The following NDC1 variants were observed in gnomAD, a reference collection of about 807,000 sequenced individuals.
The protein encoded by NDC1 is nucleoporin NDC1.
In NDC1, 24 loss-of-function variants were observed where a neutral mutation model predicts 89.8. That is an observed-to-expected ratio of 0.27 (90% CI 0.19 to 0.38). The LOEUF is 0.38. NDC1 is among the 10% of genes least tolerant of loss of function. NDC1 has a pLI of 1.00. For missense variants in NDC1, 728 were observed against 797.6 expected (o/e 0.91, Z 1.05); for synonymous variants, 296 against 284.8 (o/e 1.04, Z -0.39).
At chr1:53,837,773 T>C (rs1391795158) in intron 1 of NDC1, among the ~76,000 whole-genome samples, 1 of 152,210 alleles carries the variant, frequency 6.6e-6, no homozygotes, top group Non-Finnish European at 1.5e-5. Context: ...AGTCCCATTC[T>C]ACCTTACAAA....
chr1:53,798,026 T>C (rs901842789), intron 11 of NDC1, among the ~76,000 whole-genome samples: 1 of 152,004 alleles, frequency 6.6e-6, no homozygotes, highest in Non-Finnish European at 1.5e-5. Context: ...AGTCATCTTA[T>C]GACTCTCCAA....
At chr1:53,794,535 C>T (rs892961788) in intron 13 of NDC1, among the ~76,000 whole-genome samples, 8 of 152,130 alleles carry the variant, frequency 5.3e-5, no homozygotes, top group African/African-American at 1.9e-4. Context: ...ATTAATCAGT[C>T]ATTCCATCAG....
chr1:53,804,255 G>A (rs1410067025), intron 9 of NDC1, among the ~76,000 whole-genome samples: 3 of 152,058 alleles, frequency 2.0e-5, no homozygotes, highest in African/African-American at 7.2e-5. Flanking sequence ...TATATCTGCG[G>A]TGGGAAATTG....
intron 3 of NDC1, among the ~76,000 whole-genome samples, chr1:53,830,862 CA>C (rs963317098): frequency 5.9e-4 from 81 of 136,524 alleles, no homozygotes; most frequent in Non-Finnish European, 4.8e-4. Flanking sequence ...AACTCCGTCT[CA>C]AAAAAAAAAA....
At chr1:53,800,917 AAGTC>A in intron 10 of NDC1, 69 bp from the exon 11 acceptor site, 8 of 1,427,572 alleles carry the variant, frequency 5.6e-6, no homozygotes, top group Non-Finnish European at 7.6e-6. Flanking sequence ...GTGGGGGAAA[AAGTC>A]AGTAAGAAAT....
intron 16 of NDC1, among the ~76,000 whole-genome samples, chr1:53,784,561 G>A (rs1284570514): frequency 6.6e-6 from 1 of 152,192 alleles, no homozygotes; most frequent in Non-Finnish European, 1.5e-5. Flanking sequence ...GGGAGGCCGA[G>A]GTAGGTGGAT....
chr1:53,770,571 T>G (rs191210370), intron 17 of NDC1, among the ~76,000 whole-genome samples: 225 of 152,198 alleles, frequency 1.5e-3, no homozygotes, highest in Non-Finnish European at 2.3e-3. Flanking sequence ...CCTCCCAAAG[T>G]GCTGGGATTA....
chr1:53,789,941 T>C, intron 14 of NDC1, among the ~76,000 whole-genome samples: 1 of 151,286 alleles, frequency 6.6e-6, no homozygotes, highest in East Asian at 2.0e-4. Context: ...CCATCTCTAC[T>C]AAAATACAAA....
At chr1:53,788,644 C>A (rs890263987) in intron 15 of NDC1, among the ~76,000 whole-genome samples, 2 of 152,050 alleles carry the variant, frequency 1.3e-5, no homozygotes, top group African/African-American at 2.4e-5. Context: ...CCAGGCTGGT[C>A]TCGAACTCCT....
intron 16 of NDC1, among the ~76,000 whole-genome samples, chr1:53,781,727 C>T (rs1047666952): frequency 6.6e-6 from 1 of 152,206 alleles, no homozygotes; most frequent in Non-Finnish European, 1.5e-5. Flanking sequence ...TCACTTTGAT[C>T]CCTTCTAGAC....
chr1:53,778,337 T>C (rs1647179199), intron 16 of NDC1, among the ~76,000 whole-genome samples: 1 of 151,736 alleles, frequency 6.6e-6, no homozygotes, highest in South Asian at 2.1e-4. Flanking sequence ...AATTCTGAAA[T>C]ACATGGTAAG....
At chr1:53,771,594 G>C (rs1647113410) in intron 17 of NDC1, among the ~76,000 whole-genome samples, 1 of 152,176 alleles carries the variant, frequency 6.6e-6, no homozygotes, top group African/African-American at 2.4e-5. Flanking sequence ...TGTGGCTAGG[G>C]TGACTGACAA....
chr1:53,768,930 T>C (rs1359069162), intron 17 of NDC1, among the ~76,000 whole-genome samples: 5 of 152,222 alleles, frequency 3.3e-5, no homozygotes, highest in East Asian at 1.9e-4. Flanking sequence ...TTTCCCATTA[T>C]ATTTCTCTCT....
intron 1 of NDC1, 120 bp downstream of exon 1, chr1:53,838,085 A>C: frequency 3.4e-6 from 3 of 886,218 alleles, no homozygotes; most frequent in Non-Finnish European, 5.1e-6. Flanking sequence ...TGCCTTCCCC[A>C]CGCGTTCTCT....
At chr1:53,826,592 C>G (rs1341898314) in intron 4 of NDC1, among the ~76,000 whole-genome samples, 1 of 152,180 alleles carries the variant, frequency 6.6e-6, no homozygotes, top group African/African-American at 2.4e-5. Context: ...AAGCCACTAC[C>G]CTATCATTTT....
intron 5 of NDC1, among the ~76,000 whole-genome samples, chr1:53,823,307 T>G (rs1409862329): frequency 6.6e-6 from 1 of 152,188 alleles, no homozygotes; most frequent in Non-Finnish European, 1.5e-5. Flanking sequence ...ATATATATTT[T>G]TTGACCAAAT....
At chr1:53,813,230 AGT>A (rs1648369746) in intron 6 of NDC1, among the ~76,000 whole-genome samples, 1 of 152,214 alleles carries the variant, frequency 6.6e-6, no homozygotes, top group African/African-American at 2.4e-5. Context: ...CAAACAAACA[AGT>A]ACACAGGCAA....
intron 16 of NDC1, among the ~76,000 whole-genome samples, chr1:53,777,350 T>C (rs927543850): frequency 1.3e-5 from 2 of 152,128 alleles, no homozygotes; most frequent in Non-Finnish European, 2.9e-5. Flanking sequence ...AAATAAGTAA[T>C]TGCTCTCTTT....
intron 6 of NDC1, among the ~76,000 whole-genome samples, chr1:53,817,860 G>C (rs1465999953): frequency 1.3e-5 from 2 of 152,056 alleles, no homozygotes; most frequent in African/African-American, 4.8e-5. Flanking sequence ...GTAGGATTTT[G>C]TTTAAATTAT....
Sources: gnomAD v4.1 joint callset for allele counts (sites outside exome capture counted in the v4.1 genomes callset) on GRCh38, gnomAD v4.1.1 for gene constraint, MANE v1.5 for transcripts, NCBI Gene and HGNC (gene_info 2026-07-23, HGNC 2026-07-21) for gene names.